TAMM41: variants seen among roughly 807,000 people sequenced by gnomAD.
The protein encoded by TAMM41 is phosphatidate cytidylyltransferase, mitochondrial.
In TAMM41, 36 loss-of-function variants were observed where a neutral mutation model predicts 44.1. The ratio of observed to expected loss-of-function variants is 0.82; its 90% CI spans 0.63 to 1.08. The LOEUF (loss-of-function observed/expected upper bound fraction) is 1.08. Ranked by LOEUF, TAMM41 falls within the 50% of genes least tolerant of loss-of-function variation. TAMM41 has a pLI of 0.00. For synonymous variants in TAMM41, 164 were observed against 153.1 expected (o/e 1.07, Z -0.53); for missense variants, 417 against 404.3 (o/e 1.03, Z -0.27).
chr3:11,723,245 G>T, the TAMM41 span, among the ~76,000 whole-genome samples: 30 of 152,260 alleles, frequency 2.0e-4, no homozygotes, highest in African/African-American at 6.0e-4. Context: ...AAACATTGTT[G>T]TCTAGGTCCT....
chr3:11,746,955 T>A, the TAMM41 span, among the ~76,000 whole-genome samples: 3 of 152,090 alleles, frequency 2.0e-5, no homozygotes, highest in Non-Finnish European at 4.4e-5. Context: ...TGATTCCATC[T>A]ATATCTAGAA....
chr3:11,772,963 C>G, the TAMM41 span, among the ~76,000 whole-genome samples: 341 of 151,858 alleles, frequency 2.2e-3, 2 homozygotes, highest in African/African-American at 7.9e-3. Flanking sequence ...CTTTCTTTCT[C>G]TCTCTTTTTT....
At chr3:11,819,838 C>T (rs975805704) in intron 4 of TAMM41, among the ~76,000 whole-genome samples, 2 of 151,898 alleles carry the variant, frequency 1.3e-5, no homozygotes, top group African/African-American at 4.8e-5. Context: ...TAATAAAATA[C>T]ATTTATTGTG....
intron 4 of TAMM41, among the ~76,000 whole-genome samples, chr3:11,820,398 T>C (rs144802434): frequency 3.5e-4 from 54 of 152,342 alleles, no homozygotes; most frequent in African/African-American, 1.2e-3. Context: ...TCAAGGATTA[T>C]GTTTTACAAT....
At chr3:11,729,008 C>CAAAAAAAAG in the TAMM41 span, among the ~76,000 whole-genome samples, 11 of 116,126 alleles carry the variant, frequency 9.5e-5, no homozygotes, top group Admixed American at 6.5e-4. Context: ...GACTCTGTCT[C>CAAAAAAAAG]AAAAAAAAAA....
the TAMM41 span, among the ~76,000 whole-genome samples, chr3:11,767,336 T>C: frequency 6.6e-5 from 10 of 152,186 alleles, no homozygotes; most frequent in Non-Finnish European, 1.2e-4. Flanking sequence ...CCCAAAGTGC[T>C]GGGATTACAG....
At chr3:11,828,877 G>C (rs2078869171) in intron 4 of TAMM41, among the ~76,000 whole-genome samples, 1 of 152,174 alleles carries the variant, frequency 6.6e-6, no homozygotes, top group African/African-American at 2.4e-5. Flanking sequence ...CCAATGTTCT[G>C]AGCATAAAGT....
At chr3:11,792,271 C>T (rs1327319734) in intron 7 of TAMM41, among the ~76,000 whole-genome samples, 1 of 152,042 alleles carries the variant, frequency 6.6e-6, no homozygotes, top group Non-Finnish European at 1.5e-5. Context: ...AGAAAGACTG[C>T]AGCAGGGAAA....
At chr3:11,774,870 ATTTTTTT>A in the TAMM41 span, among the ~76,000 whole-genome samples, 33 of 139,288 alleles carry the variant, frequency 2.4e-4, no homozygotes, top group Non-Finnish European at 4.9e-4. Context: ...CATTGAAAGC[ATTTTTTT>A]TTTTTTTTTG....
rs556465466 is a variant in TAMM41, at chr3:11,807,617, G to A, written c.937+216C>T. On this transcript the variant is annotated intron_variant, in intron 7 of 7. Coordinates refer to ENST00000455809, the MANE Select transcript of TAMM41 (RefSeq NM_001284401.2). ...TCAGAAAATTCAGAAGGGCAGTAAA[G>A]CTTCCAACAGCACTGCCAATGGTCT... 1.4e-5 allele frequency: 21 copies of A among 1,536,182 alleles called. No individual in the cohort carries two copies. In the South Asian group the frequency reaches 2.0e-4, roughly 15 times the overall value.
At position 11,846,884 on chromosome 3, in the gene TAMM41, G is replaced by T; in HGVS notation, c.-248C>A. On this transcript the variant is annotated 5_prime_UTR_variant, in exon 1 of 8. Transcript: ENST00000455809. ...CGGCGGTCGCACAGGCAGAGCTTCC[G>T]TCCCTTGCTACGCCCCACGCACGCA... 1.9e-6 allele frequency: 1 copy of T among 513,880 alleles called. No homozygotes were observed. The highest frequency in any genetic ancestry group is 2.1e-5 in the South Asian group (1 of 47,916). The allele number at this position is 513,880 out of a possible 1,614,324, so 31.8% of individuals were successfully genotyped here. A position where few individuals can be genotyped will look rare whatever the true frequency, so the allele number is the denominator to read the frequency against.
chr3:11,839,124 T>C, intron 3 of TAMM41, 98 bp downstream of exon 3: 1 of 694,952 alleles, frequency 1.4e-6, no homozygotes, highest in Non-Finnish European at 2.4e-6. Flanking sequence ...CTCATTTCTA[T>C]TTCCAGAGTT....
At chr3:11,845,287 G>C (rs1046424790) in intron 1 of TAMM41, among the ~76,000 whole-genome samples, 1 of 152,202 alleles carries the variant, frequency 6.6e-6, no homozygotes, top group Non-Finnish European at 1.5e-5. Flanking sequence ...GCTAAGGATG[G>C]GGACTGATGT....
At chr3:11,722,745 C>T in the TAMM41 span, among the ~76,000 whole-genome samples, 27 of 151,106 alleles carry the variant, frequency 1.8e-4, no homozygotes, top group African/African-American at 4.1e-4. Context: ...CCAAGGTGGG[C>T]GAATCACGAG....
At chr3:11,833,243 C>G (rs1397935095) in intron 3 of TAMM41, 1 of 1,020,492 alleles carries the variant, frequency 9.8e-7, no homozygotes, top group Non-Finnish European at 1.2e-6. Context: ...AACATTAGCA[C>G]GACTGCCAGG....
intron 3 of TAMM41, among the ~76,000 whole-genome samples, chr3:11,836,391 G>A (rs918624535): frequency 3.3e-5 from 5 of 152,208 alleles, no homozygotes; most frequent in Admixed American, 6.5e-5. Flanking sequence ...CAGCTAATAG[G>A]TGGCAGGACT....
At chr3:11,784,345 A>G in the TAMM41 span, among the ~76,000 whole-genome samples, 6 of 152,186 alleles carry the variant, frequency 3.9e-5, no homozygotes, top group African/African-American at 1.4e-4. Context: ...AATACAAAAA[A>G]TTAGCCAGGT....
chr3:11,828,593 A>C (rs1274541033), intron 4 of TAMM41, among the ~76,000 whole-genome samples: 1 of 152,206 alleles, frequency 6.6e-6, no homozygotes, highest in African/African-American at 2.4e-5. Flanking sequence ...CACAGTGTGC[A>C]TGTGACCTGC....
chr3:11,789,944 G>A (rs1298466099), downstream of TAMM41, among the ~76,000 whole-genome samples: 2 of 152,160 alleles, frequency 1.3e-5, no homozygotes, highest in African/African-American at 2.4e-5. Flanking sequence ...GCCCAAACAC[G>A]TCCTAACTGT....
Sources: gnomAD v4.1 joint callset for allele counts (sites outside exome capture counted in the v4.1 genomes callset) on GRCh38, gnomAD v4.1.1 for gene constraint, MANE v1.5 for transcripts, NCBI Gene and HGNC (gene_info 2026-07-23, HGNC 2026-07-21) for gene names.